The following ZPBP2 variants were observed in gnomAD, a reference collection of about 807,000 sequenced individuals.
ZPBP2 encodes zona pellucida binding protein 2.
A neutral mutation model predicts 37.5 loss-of-function variants in ZPBP2; 34 were observed. The observed-to-expected ratio is 0.91, with a 90% CI of 0.69 to 1.21. ZPBP2 has a LOEUF of 1.21. ZPBP2 is among the 50% of genes most tolerant of loss of function. ZPBP2 has a pLI of 0.00. For synonymous variants in ZPBP2, 143 were observed against 138.4 expected, an observed-to-expected ratio of 1.03 and a Z score of -0.23; for missense variants, 397 against 413.5, an observed-to-expected ratio of 0.96 and a Z score of 0.35.
At chr17:39,869,137 C>A (rs1479167873) in intron 2 of ZPBP2, among the ~76,000 whole-genome samples, 1 of 152,104 alleles carries the variant, frequency 6.6e-6, no homozygotes. Flanking sequence ...GTTCTCTCCC[C>A]GACCCCCAAC....
At chr17:39,873,010 C>T (rs760262791) in intron 5 of ZPBP2, 34 bp from the exon 6 acceptor site, 4 of 1,593,008 alleles carry the variant, frequency 2.5e-6, no homozygotes, top group Non-Finnish European at 3.4e-6. Flanking sequence ...TTTTCAGAAT[C>T]CCTTTGTGAG....
In ZPBP2 at chr17:39,870,826, T is replaced by C; in HGVS notation, c.244+7T>C. On this transcript the variant is annotated splice_region_variant and intron_variant, in intron 3 of 7. Coordinates refer to ENST00000348931, the MANE Select transcript of ZPBP2 (RefSeq NM_199321.3). ...AATGAAAAGACGTTAACAGGTAAAT[T>C]TGATTTTAATATGTACTTTTTTAAT... The C allele has an allele frequency of 1.3e-6, 2 of 1,489,104 alleles. No homozygotes were observed. The highest frequency in any genetic ancestry group is 1.8e-6 in the Non-Finnish European group (2 of 1,107,970). 92.2% of individuals were successfully genotyped at this position (1,489,104 alleles called of 1,614,324 possible).
In ZPBP2 at chr17:39,868,256, C is replaced by G; in HGVS notation, c.-99C>G. ...GGGTAGGGGAGGCGACCCCGGCGTT[C>G]TGCTCCGCACTGTGGAGGAGGTGGG... On this transcript the variant is annotated 5_prime_UTR_variant, in exon 1 of 8. Transcript: ENST00000348931. 1.4e-6 allele frequency: 2 copies of G among 1,393,554 alleles called. No individual in the cohort carries two copies. The highest frequency in any genetic ancestry group is 2.0e-6 in the Non-Finnish European group (2 of 1,024,252). 86.3% of individuals were successfully genotyped at this position (1,393,554 alleles called of 1,614,324 possible).
chr17:39,871,909 A>G (rs2063366548), intron 4 of ZPBP2, among the ~76,000 whole-genome samples: 1 of 152,160 alleles, frequency 6.6e-6, no homozygotes, highest in Non-Finnish European at 1.5e-5. Context: ...CTTTAATTCT[A>G]TAAAAGCAAG....
In ZPBP2 at chr17:39,877,482, T is replaced by C. The variant is rs2063395757; in HGVS notation, c.*673T>C. The C allele has an allele frequency of 6.6e-6, 1 of 152,218 alleles. No individual in the cohort carries two copies. The highest frequency in any genetic ancestry group is 1.5e-5 in the Non-Finnish European group (1 of 68,044). 9.4% of individuals were successfully genotyped at this position (152,218 alleles called of 1,614,324 possible). ...AGCCCATAGTTCACATTAAGATTCA[T>C]TGTGTTGTAAGGTTATGTGGGTTTT... On this transcript the variant is annotated 3_prime_UTR_variant, in exon 8 of 8. Coordinates refer to ENST00000348931, the MANE Select transcript of ZPBP2 (RefSeq NM_199321.3).
intron 6 of ZPBP2, 73 bp from the exon 7 acceptor site, chr17:39,875,181 C>T: frequency 7.4e-7 from 1 of 1,354,136 alleles, no homozygotes; most frequent in South Asian, 1.4e-5. Context: ...TACATTATTG[C>T]CTGTGATACT....
chr17:39,868,435 CCT>C (rs2063345970), intron 1 of ZPBP2, 29 bp downstream of exon 1: 1 of 1,611,456 alleles, frequency 6.2e-7, no homozygotes, highest in Non-Finnish European at 8.5e-7. Context: ...GGTCCCCAGG[CCT>C]CTCCCTCTGC....
Position 39,868,424 on chromosome 17 carries a change from C to G in ZPBP2, c.52+18C>G. 1 of 1,611,194 alleles carries G rather than the reference C, an allele frequency of 6.2e-7. No homozygotes were observed. Among genetic ancestry groups the G allele is most frequent in the Non-Finnish European group, 8.5e-7 (1 of 1,179,892 alleles). ...CACAGGAGGTGGGGCTCCCTCCACC[C>G]GGTCCCCAGGCCTCTCCCTCTGCCC... On this transcript the variant is annotated intron_variant, in intron 1 of 7. Transcript: ENST00000348931.
chr17:39,870,493 TAACA>T lies in ZPBP2; in HGVS notation c.119-200_119-197del, dbSNP rs139044090. The stretch of plus-strand genomic sequence containing the variant: ...ATGGAAAAATATCATGACTCGTGAC[TAACA>T]GTGTAGAGTTTTAAAAAACTTACTA... On this transcript the variant is annotated intron_variant, in intron 2 of 7. Coordinates refer to ENST00000348931, the MANE Select transcript of ZPBP2 (RefSeq NM_199321.3). Among the ~76,000 whole-genome samples, 631 of 152,320 alleles carry T rather than the reference TAACA, an allele frequency of 4.1e-3. 6 individuals carry two copies. The highest frequency in any genetic ancestry group is 0.015 in the African/African-American group (621 of 41,568).
chr17:39,872,250 T>C lies in ZPBP2; in HGVS notation c.407-20T>C. 2 of 1,557,244 alleles carry C rather than the reference T, an allele frequency of 1.3e-6. No homozygotes were observed. The highest frequency in any genetic ancestry group is 1.7e-6 in the Non-Finnish European group (2 of 1,154,120). ...CTAGGTACGATTGTTTTCACTCTCA[T>C]CTTTCTTTTTTTTTTAAAGCCTATC... On this transcript the variant is annotated intron_variant, in intron 4 of 7. Transcript: ENST00000348931.
chr17:39,875,766 CAG>C (rs1440489274), intron 7 of ZPBP2, among the ~76,000 whole-genome samples: 2 of 150,742 alleles, frequency 1.3e-5, no homozygotes, highest in Non-Finnish European at 2.9e-5. Context: ...AAAGTAGAGA[CAG>C]AGTTTCACCA....
At position 39,871,597 on chromosome 17, in the gene ZPBP2, C is replaced by A; in HGVS notation, c.378C>A (p.Val126=). 1.3e-6 allele frequency: 2 copies of A among 1,589,470 alleles called. No homozygotes were observed. Among genetic ancestry groups the A allele is most frequent in the South Asian group, 2.3e-5 (2 of 85,500 alleles). ...CAGAAACTCAAGAAGAAAAAACAGT[C>A]AAAAAGAGATATGACTTTATGGTCT... ...VKAETQEEKT[V]KKRYDFMVFA... The change falls in exon 4 of 8, where the codon GTC becomes GTA. Residue 126 remains valine, a synonymous_variant. Coordinates refer to ENST00000348931, the MANE Select transcript of ZPBP2 (RefSeq NM_199321.3).
rs369712740 is a variant in ZPBP2, at chr17:39,875,249, C to T, written c.709-5C>T. On this transcript the variant is annotated splice_region_variant and splice_polypyrimidine_tract_variant and intron_variant, in intron 6 of 7. Transcript: ENST00000348931. ...GTACCTTTCTCTGGTATTTTTCAACCTTAGGCAAGAGATCGAATAGAAGAC... is the reference window on the plus strand; with the variant it reads ...GTACCTTTCTCTGGTATTTTTCAACTTTAGGCAAGAGATCGAATAGAAGAC... 72 of 1,603,652 alleles carry T rather than the reference C, an allele frequency of 4.5e-5. No homozygotes were observed. The highest frequency in any genetic ancestry group is 5.9e-5 in the Non-Finnish European group (69 of 1,175,992).
At chr17:39,873,597 ATAT>A (rs2144643814) in intron 6 of ZPBP2, among the ~76,000 whole-genome samples, 1 of 152,222 alleles carries the variant, frequency 6.6e-6, no homozygotes, top group South Asian at 2.1e-4. Flanking sequence ...CACATCTGTA[ATAT>A]TAGATAGTTC....
At chr17:39,875,901 T>C (rs1391289606) in intron 7 of ZPBP2, among the ~76,000 whole-genome samples, 3 of 112,972 alleles carry the variant, frequency 2.7e-5, no homozygotes, top group Non-Finnish European at 5.8e-5. Context: ...TTTTTTTTTT[T>C]TTTTTTTTTT....
Position 39,875,883 on chromosome 17 carries a change from CTT to C in ZPBP2, c.889+479_889+480del, listed in dbSNP as rs34192567. On this transcript the variant is annotated intron_variant, in intron 7 of 7. Transcript: ENST00000348931. ...AGGTGTGGGCTACCATGCTTGGCCC[CTT>C]TTTTTTTTTTTTTTTTTTTTTTTTT... 2.1e-3 allele frequency among the ~76,000 whole-genome samples: 136 copies of C among 63,764 alleles called. 2 individuals are homozygous for C. The highest frequency in any genetic ancestry group is 6.5e-3 in the African/African-American group (126 of 19,262). The allele number at this position is 63,764 out of a possible 152,430, so 41.8% of individuals were successfully genotyped here. A position where few individuals can be genotyped will look rare whatever the true frequency, so the allele number is the denominator to read the frequency against.
At chr17:39,871,208 CTT>C (rs777070492) in intron 3 of ZPBP2, among the ~76,000 whole-genome samples, 26 of 152,094 alleles carry the variant, frequency 1.7e-4, no homozygotes, top group Non-Finnish European at 3.2e-4. Flanking sequence ...AGTGCAATCT[CTT>C]TTTCTGAATT....
chr17:39,874,916 A>C (rs1316479529), intron 6 of ZPBP2, among the ~76,000 whole-genome samples: 2 of 151,628 alleles, frequency 1.3e-5, no homozygotes, highest in African/African-American at 4.9e-5. Flanking sequence ...ACACCTAGCT[A>C]ATTTTTGTAT....
chr17:39,869,799 G>A (rs1230943899), intron 2 of ZPBP2, among the ~76,000 whole-genome samples: 2 of 137,030 alleles, frequency 1.5e-5, no homozygotes, highest in Admixed American at 7.8e-5. Context: ...TGCAACCTCC[G>A]CCTCCTGGAT....
Sources: gnomAD v4.1 joint callset for allele counts (sites outside exome capture counted in the v4.1 genomes callset) on GRCh38, gnomAD v4.1.1 for gene constraint, MANE v1.5 for transcripts, NCBI Gene and HGNC (gene_info 2026-07-23, HGNC 2026-07-21) for gene names.